The following NXPH1 variants were observed in gnomAD, a reference collection of about 807,000 sequenced individuals.
NXPH1 encodes neurexophilin 1, also known as neurexophilin-1.
Under a neutral mutation model 23.7 loss-of-function variants are expected in NXPH1, and 5 were observed. The observed-to-expected ratio is 0.21, with a 90% confidence interval of 0.11 to 0.44. NXPH1 has a LOEUF of 0.44. Among genes scored for constraint, NXPH1 ranks in the 20% least tolerant of loss-of-function variants. NXPH1 has a pLI of 0.99. For synonymous variants in NXPH1, 144 were observed against 122.2 expected (o/e 1.18, Z -1.18); for missense variants, 324 against 321.6 (o/e 1.01, Z -0.06).
intron 2 of NXPH1, among the ~76,000 whole-genome samples, chr7:8,576,424 T>G (rs1818757117): frequency 6.6e-6 from 1 of 152,170 alleles, no homozygotes; most frequent in Non-Finnish European, 1.5e-5. Context: ...TGCTATCATG[T>G]GTATAATAGG....
chr7:8,486,472 T>C (rs1183425655), intron 2 of NXPH1, among the ~76,000 whole-genome samples: 1 of 152,192 alleles, frequency 6.6e-6, no homozygotes, highest in Non-Finnish European at 1.5e-5. Flanking sequence ...GAGTATTCCC[T>C]CAAAGGATAC....
chr7:8,648,173 A>G (rs954311880), intron 2 of NXPH1, among the ~76,000 whole-genome samples: 6 of 152,158 alleles, frequency 3.9e-5, no homozygotes, highest in Non-Finnish European at 5.9e-5. Flanking sequence ...AATCCAAATT[A>G]TATTCTTTAA....
intron 2 of NXPH1, among the ~76,000 whole-genome samples, chr7:8,571,306 G>T (rs187126367): frequency 3.6e-4 from 55 of 151,962 alleles, no homozygotes; most frequent in African/African-American, 1.1e-3. Context: ...GAAAAGATTT[G>T]ACTGATATGG....
chr7:8,436,683 C>T (rs1290554346), intron 2 of NXPH1, among the ~76,000 whole-genome samples: 1 of 152,178 alleles, frequency 6.6e-6, no homozygotes, highest in Non-Finnish European at 1.5e-5. Flanking sequence ...AAGTTGTGTT[C>T]AGTGTCCCGA....
At chr7:8,437,471 C>T (rs1816217132) in intron 2 of NXPH1, among the ~76,000 whole-genome samples, 5 of 152,190 alleles carry the variant, frequency 3.3e-5, no homozygotes, top group African/African-American at 1.2e-4. Flanking sequence ...CATACCTTTA[C>T]GCCTGACCTG....
chr7:8,522,142 G>C (rs892339849), intron 2 of NXPH1, among the ~76,000 whole-genome samples: 1 of 152,166 alleles, frequency 6.6e-6, no homozygotes, highest in Non-Finnish European at 1.5e-5. Context: ...TGACATTCAG[G>C]GTGGAGAATA....
chr7:8,752,902 T>TTTTA lies in NXPH1; in HGVS notation c.*1137_*1140dup, dbSNP rs1780589925. The TTTTA allele has an allele frequency of 6.6e-6, 1 of 152,584 alleles. No individual in the cohort carries two copies. The highest frequency in any genetic ancestry group is 1.5e-5 in the Non-Finnish European group (1 of 68,030). 9.5% of individuals were successfully genotyped at this position (152,584 alleles called of 1,614,324 possible). On this transcript the variant is annotated 3_prime_UTR_variant, in exon 3 of 3. Coordinates refer to ENST00000405863, the MANE Select transcript of NXPH1 (RefSeq NM_152745.3). ...ATTACAGTCTGTCTGTATTTAGATA[T>TTTTA]TTTATTTCTGGAAAAAATGAAATGT...
intron 2 of NXPH1, among the ~76,000 whole-genome samples, chr7:8,584,042 A>G (rs1007458886): frequency 6.6e-6 from 1 of 152,212 alleles, no homozygotes; most frequent in Non-Finnish European, 1.5e-5. Context: ...TTTTCTTCAG[A>G]TATTACTATG....
In NXPH1 at chr7:8,637,313, C is replaced by G. The variant is rs1820232396; in HGVS notation, c.55-113695C>G. ...TCATGGCTCACTGTAGCCTCGACCT[C>G]CTGGGCACAAGTGATTCTCCTACAC... On this transcript the variant is annotated intron_variant, in intron 2 of 2. Coordinates refer to ENST00000405863, the MANE Select transcript of NXPH1 (RefSeq NM_152745.3). 5.3e-5 allele frequency among the ~76,000 whole-genome samples: 8 copies of G among 151,954 alleles called. No homozygotes were observed. In the South Asian group the frequency reaches 1.7e-3, roughly 32 times the overall value.
intron 2 of NXPH1, among the ~76,000 whole-genome samples, chr7:8,706,528 G>A (rs1222802227): frequency 6.6e-6 from 1 of 152,146 alleles, no homozygotes; most frequent in Admixed American, 6.5e-5. Flanking sequence ...TGCATTCTAT[G>A]TAAATGTTCA....
intron 2 of NXPH1, among the ~76,000 whole-genome samples, chr7:8,482,054 G>A (rs560632972): frequency 6.6e-6 from 1 of 152,308 alleles, no homozygotes; most frequent in Non-Finnish European, 1.5e-5. Context: ...AGAGCATCTG[G>A]TCAATGTAGG....
At chr7:8,627,066 T>A (rs553335641) in intron 2 of NXPH1, among the ~76,000 whole-genome samples, 1 of 152,304 alleles carries the variant, frequency 6.6e-6, no homozygotes, top group South Asian at 2.1e-4. Context: ...TAGACAATGA[T>A]ATTCTGCAGA....
In NXPH1 at chr7:8,442,041, G is replaced by T. The variant is rs1184911335; in HGVS notation, c.54+6274G>T. Among the ~76,000 whole-genome samples the T allele has an allele frequency of 6.6e-6, 1 of 152,154 alleles. No homozygotes were observed. The highest frequency in any genetic ancestry group is 1.9e-4 in the East Asian group (1 of 5,176). On this transcript the variant is annotated intron_variant, in intron 2 of 2. Transcript: ENST00000405863. The surrounding 1 kb of genome is among the most constrained non-coding windows in gnomAD (Gnocchi z 4.6). ...GGTGGTGGAAAGCGAGATGGCGTTG[G>T]GAGCCAGGGCGTTGGGACGGCACAA...
At chr7:8,675,046 TA>T in intron 2 of NXPH1, among the ~76,000 whole-genome samples, 1 of 152,148 alleles carries the variant, frequency 6.6e-6, no homozygotes, top group Non-Finnish European at 1.5e-5. Context: ...TATGGATGAG[TA>T]AACCTTAAAA....
chr7:8,589,680 G>A (rs1341824207), intron 2 of NXPH1, among the ~76,000 whole-genome samples: 1 of 152,048 alleles, frequency 6.6e-6, no homozygotes, highest in East Asian at 1.9e-4. Context: ...TGGTGAATAA[G>A]TATAAATCTT....
chr7:8,613,762 T>C (rs867533855), intron 2 of NXPH1, among the ~76,000 whole-genome samples: 30 of 151,542 alleles, frequency 2.0e-4, no homozygotes, highest in African/African-American at 7.3e-4. Context: ...GGTAACTGGC[T>C]ATAGGGATTT....
intron 2 of NXPH1, among the ~76,000 whole-genome samples, chr7:8,661,721 A>G (rs1295711790): frequency 6.6e-6 from 1 of 152,178 alleles, no homozygotes; most frequent in Non-Finnish European, 1.5e-5. Context: ...ATCTGTAGAA[A>G]TAACCAAGGG....
intron 2 of NXPH1, among the ~76,000 whole-genome samples, chr7:8,646,744 C>G (rs1429750501): frequency 2.0e-5 from 3 of 151,944 alleles, no homozygotes; most frequent in African/African-American, 7.3e-5. Context: ...ATAAATCTTG[C>G]TGGAAATCAG....
intron 2 of NXPH1, among the ~76,000 whole-genome samples, chr7:8,687,902 T>C (rs1821171395): frequency 6.6e-6 from 1 of 152,148 alleles, no homozygotes; most frequent in Non-Finnish European, 1.5e-5. Flanking sequence ...TATTTGAAAA[T>C]CAGGACTATC....
Sources: allele counts gnomAD v4.1 joint callset (sites outside exome capture counted in the v4.1 genomes callset), GRCh38; gene constraint gnomAD v4.1.1; non-coding constraint Gnocchi (gnomAD v3.1); transcripts MANE v1.5; gene names NCBI Gene and HGNC (gene_info 2026-07-23, HGNC 2026-07-21).